NUP58: variants seen among roughly 807,000 people sequenced by gnomAD.
NUP58 encodes nucleoporin p58/p45.
In NUP58, 17 loss-of-function variants were observed where a neutral mutation model predicts 70.1. That is an observed-to-expected ratio of 0.24 (90% CI 0.17 to 0.36). The LOEUF (loss-of-function observed/expected upper bound fraction) is 0.36, where lower values mean the gene tolerates loss of function less well. Among genes scored for constraint, NUP58 ranks in the 10% least tolerant of loss-of-function variants. The pLI, the probability that NUP58 is intolerant of heterozygous loss-of-function variation, is 1.00. For synonymous variants in NUP58, 275 were observed against 257.6 expected (o/e 1.07, Z -0.65); for missense variants, 644 against 701.5 (o/e 0.92, Z 0.93).
In NUP58 at chr13:25,323,908, T is replaced by C. The variant is rs181325301; in HGVS notation, c.952-1081T>C. Among the ~76,000 whole-genome samples, 25 of 152,308 alleles carry C rather than the reference T, an allele frequency of 1.6e-4. No individual in the cohort carries two copies. In the East Asian group the frequency reaches 4.6e-3, roughly 28 times the overall value. ...AGAGAGTTAAATCCATCAGGTGATA[T>C]GATCCAGGTACAAGGGTTTTGTAGG... is the stretch of plus-strand genomic sequence containing the variant. On this transcript the variant is annotated intron_variant, in intron 9 of 15. Coordinates refer to ENST00000381736, the MANE Select transcript of NUP58 (RefSeq NM_014089.4).
intron 13 of NUP58, chr13:25,332,506 C>A: frequency 1.0e-6 from 1 of 983,276 alleles, no homozygotes; most frequent in African/African-American, 1.7e-5. Flanking sequence ...CTGAGAGTTC[C>A]ATATAGTCCA....
At chr13:25,322,546 A>C (rs915214285) in intron 9 of NUP58, among the ~76,000 whole-genome samples, 6 of 152,186 alleles carry the variant, frequency 3.9e-5, no homozygotes, top group South Asian at 2.1e-4. Context: ...AACTCATGGG[A>C]TAGGTTACAG....
At chr13:25,318,503 A>G (rs954199295) in intron 6 of NUP58, among the ~76,000 whole-genome samples, 1 of 152,192 alleles carries the variant, frequency 6.6e-6, no homozygotes. Flanking sequence ...TTAGAAATAC[A>G]TATTAAATTA....
chr13:25,347,058 TTA>T (rs1194037490), downstream of NUP58, among the ~76,000 whole-genome samples: 1 of 152,176 alleles, frequency 6.6e-6, no homozygotes, highest in Non-Finnish European at 1.5e-5. Context: ...TGAAATTCAT[TTA>T]TGTTTTTTAT....
At chr13:25,349,055 C>A (rs1490148551) in intron 3 of NUP58, among the ~76,000 whole-genome samples, 1 of 152,096 alleles carries the variant, frequency 6.6e-6, no homozygotes, top group Non-Finnish European at 1.5e-5. Context: ...CTCTAACTAC[C>A]CCCGACAAAG....
At chr13:25,345,307 G>A (rs1455511082), downstream of NUP58, among the ~76,000 whole-genome samples, 1 of 152,154 alleles carries the variant, frequency 6.6e-6, no homozygotes, top group Non-Finnish European at 1.5e-5. Flanking sequence ...GGAATAGCGT[G>A]CTGATTTTCA....
intron 13 of NUP58, chr13:25,335,288 A>G (rs2031741229): frequency 2.0e-6 from 2 of 985,284 alleles, no homozygotes; most frequent in Non-Finnish European, 2.4e-6. Flanking sequence ...TCTTAACAAC[A>G]GACCCACACA....
At chr13:25,324,306 G>C (rs1399945729) in intron 9 of NUP58, among the ~76,000 whole-genome samples, 2 of 152,156 alleles carry the variant, frequency 1.3e-5, no homozygotes, top group African/African-American at 2.4e-5. Context: ...TACTTAAATA[G>C]AGGTCGAAAA....
intron 6 of NUP58, among the ~76,000 whole-genome samples, chr13:25,318,285 G>A (rs1470322825): frequency 2.6e-5 from 4 of 151,956 alleles, no homozygotes; most frequent in Non-Finnish European, 5.9e-5. Context: ...CTGAGATCAC[G>A]CCACTGCACT....
intron 2 of NUP58, among the ~76,000 whole-genome samples, chr13:25,308,465 G>A (rs539067225): frequency 0.023 from 2,699 of 115,030 alleles, 28 homozygotes; most frequent in South Asian, 0.046. Context: ...ACCACGCCTG[G>A]CTAATTTTTT....
intron 1 of NUP58, 130 bp from the exon 2 acceptor site, chr13:25,307,676 G>A (rs1193237902): frequency 2.4e-6 from 2 of 822,502 alleles, no homozygotes; most frequent in East Asian, 2.7e-5. Flanking sequence ...CTATGACAAT[G>A]TATTAGATAT....
chr13:25,323,792 C>G (rs2031284499), intron 9 of NUP58, among the ~76,000 whole-genome samples: 2 of 152,112 alleles, frequency 1.3e-5, no homozygotes, highest in African/African-American at 4.8e-5. Flanking sequence ...TTACTGAGTT[C>G]AGCTCTCCAG....
intron 7 of NUP58, chr13:25,320,125 T>G (rs2137770980): frequency 6.4e-6 from 1 of 155,714 alleles, no homozygotes. Flanking sequence ...GTGAGAAGTT[T>G]TGTAGACTTT....
At chr13:25,333,157 A>G (rs1454493740) in intron 13 of NUP58, 5 of 984,912 alleles carry the variant, frequency 5.1e-6, no homozygotes, top group South Asian at 4.7e-5. Context: ...TTTCTTATCT[A>G]TAGATTATTA....
chr13:25,336,729 C>A (rs188268766), intron 13 of NUP58, among the ~76,000 whole-genome samples: 5 of 151,980 alleles, frequency 3.3e-5, no homozygotes, highest in African/African-American at 1.2e-4. Flanking sequence ...TTTTTAAAAT[C>A]TTTTTTTAAT....
At chr13:25,309,211 T>A (rs1238954885) in intron 2 of NUP58, 36 bp from the exon 3 acceptor site, 1 of 1,503,628 alleles carries the variant, frequency 6.7e-7, no homozygotes, top group Non-Finnish European at 9.3e-7. Context: ...GTCATCTTCA[T>A]TGATGATTAA....
At chr13:25,342,530 T>A (rs1027655316), downstream of NUP58, 3 of 152,726 alleles carry the variant, frequency 2.0e-5, no homozygotes, top group South Asian at 6.2e-4. Flanking sequence ...TGCTCTTTTT[T>A]AAACAGAAGA....
In NUP58 at chr13:25,321,098, A is replaced by G. The variant is rs1429202822; in HGVS notation, c.951+5A>G. The G allele has an allele frequency of 1.3e-6, 2 of 1,573,926 alleles. No individual in the cohort carries two copies. The highest frequency in any genetic ancestry group is 1.7e-6 in the Non-Finnish European group (2 of 1,167,496). On this transcript the variant is annotated splice_donor_5th_base_variant and intron_variant, in intron 9 of 15. Transcript: ENST00000381736. The stretch of plus-strand genomic sequence containing the variant: ...TTGAAAATAGAAACTGCTCAGGTAT[A>G]CCAACTTATGGCCATTTTACCGTAG...
chr13:25,336,927 T>TTTA lies in NUP58; in HGVS notation c.1436-8_1436-7insTAT. The TTTA allele has an allele frequency of 6.6e-7, 1 of 1,513,014 alleles. No individual in the cohort carries two copies. Among genetic ancestry groups the TTTA allele is most frequent in the Non-Finnish European group, 8.9e-7 (1 of 1,124,182 alleles). 93.7% of individuals were successfully genotyped at this position (1,513,014 alleles called of 1,614,324 possible). A position where few individuals can be genotyped will look rare whatever the true frequency, so the allele number is the denominator to read the frequency against. On this transcript the variant is annotated splice_polypyrimidine_tract_variant and intron_variant, in intron 13 of 15. Transcript: ENST00000381736. ...TTTCCCCCCCATTTTTTTTTTTTTT[T>TTTA]TATACCAGGGCCACAGCCATCTCTG...
Sources: allele counts gnomAD v4.1 joint callset (sites outside exome capture counted in the v4.1 genomes callset), GRCh38; gene constraint gnomAD v4.1.1; transcripts MANE v1.5; gene names NCBI Gene and HGNC (gene_info 2026-07-23, HGNC 2026-07-21).